TASP1: variants seen among roughly 807,000 people sequenced by gnomAD.
TASP1 encodes threonine aspartase 1.
Under a neutral mutation model 56.6 loss-of-function variants are expected in TASP1, and 16 were observed. The observed-to-expected ratio is 0.28, with a 90% CI of 0.19 to 0.43. TASP1 has a LOEUF of 0.43. Ranked by LOEUF, TASP1 falls within the 20% of genes least tolerant of loss-of-function variation. TASP1 has a pLI of 1.00. For synonymous variants in TASP1, 179 were observed against 184.2 expected (o/e 0.97, Z 0.23); for missense variants, 393 against 511.6 (o/e 0.77, Z 2.24).
the TASP1 span, among the ~76,000 whole-genome samples, chr20:13,265,695 T>C: frequency 6.6e-6 from 1 of 152,210 alleles, no homozygotes; most frequent in Non-Finnish European, 1.5e-5. Context: ...GGTGCAAAAG[T>C]AATGGCGGTT....
At chr20:13,575,719 C>T (rs1305319049) in intron 6 of TASP1, among the ~76,000 whole-genome samples, 2 of 151,334 alleles carry the variant, frequency 1.3e-5, no homozygotes, top group Non-Finnish European at 3.0e-5. Flanking sequence ...CAGCAATCAT[C>T]TTACTTAATG....
intron 13 of TASP1, chr20:13,392,999 G>A (rs1304133347): frequency 1.0e-5 from 6 of 581,004 alleles, no homozygotes; most frequent in Non-Finnish European, 1.3e-5. Context: ...GAGAAGGCTG[G>A]AGCTCACTTG....
At chr20:13,547,131 G>C (rs2045836591) in intron 8 of TASP1, among the ~76,000 whole-genome samples, 1 of 152,146 alleles carries the variant, frequency 6.6e-6, no homozygotes, top group Admixed American at 6.6e-5. Flanking sequence ...TCTAGAGACT[G>C]TGATAAGGAT....
At chr20:13,461,890 A>T (rs762509695) in intron 11 of TASP1, among the ~76,000 whole-genome samples, 4 of 152,190 alleles carry the variant, frequency 2.6e-5, no homozygotes, top group Non-Finnish European at 5.9e-5. Flanking sequence ...CAGACAGCAG[A>T]TGTTTATACA....
chr20:13,532,428 G>T (rs2045257388), intron 9 of TASP1, among the ~76,000 whole-genome samples: 1 of 152,110 alleles, frequency 6.6e-6, no homozygotes, highest in Non-Finnish European at 1.5e-5. Flanking sequence ...TACTTACATA[G>T]TTTCAAGTTT....
At chr20:13,246,529 A>G in the TASP1 span, among the ~76,000 whole-genome samples, 302 of 152,326 alleles carry the variant, frequency 2.0e-3, 2 homozygotes, top group African/African-American at 7.0e-3. Context: ...AGTGCCCAAG[A>G]AAGTCTGGAA....
At chr20:13,295,340 A>G in the TASP1 span, among the ~76,000 whole-genome samples, 1 of 152,166 alleles carries the variant, frequency 6.6e-6, no homozygotes, top group East Asian at 1.9e-4. Context: ...ATGGCTCCCT[A>G]GTACCCGCTG....
the TASP1 span, among the ~76,000 whole-genome samples, chr20:13,131,597 C>G: frequency 6.6e-6 from 1 of 152,164 alleles, no homozygotes; most frequent in African/African-American, 2.4e-5. Flanking sequence ...CTCACATCTT[C>G]CTACTCTATT....
intron 4 of TASP1, among the ~76,000 whole-genome samples, chr20:13,600,039 T>C (rs547175968): frequency 1.3e-5 from 2 of 152,148 alleles, no homozygotes; most frequent in South Asian, 2.1e-4. Context: ...TCAATTATCA[T>C]AGCATCAAAA....
At position 13,421,179 on chromosome 20, in the gene TASP1, C is replaced by T. The variant is rs147824334; in HGVS notation, c.1097-3658G>A. ...CTAGGCTGGAGTGCGGTGGCACAAT[C>T]TCAGCTCACTACACCCTCCACCTCC... On this transcript the variant is annotated intron_variant, in intron 12 of 13. Transcript: ENST00000337743. Among the ~76,000 whole-genome samples, 116 of 143,372 alleles carry T rather than the reference C, an allele frequency of 8.1e-4. 1 individual carries two copies. The East Asian group carries it at 0.022, about 27-fold the overall frequency. The allele number at this position is 143,372 out of a possible 152,430, so 94.1% of individuals were successfully genotyped here.
chr20:13,293,194 C>T, the TASP1 span, among the ~76,000 whole-genome samples: 27 of 138,800 alleles, frequency 1.9e-4, no homozygotes, highest in Middle Eastern at 4.0e-3. Context: ...GGTGACAGAG[C>T]GAGACTCCGT....
the TASP1 span, among the ~76,000 whole-genome samples, chr20:13,163,292 C>T: frequency 1.1e-4 from 16 of 147,056 alleles, no homozygotes; most frequent in South Asian, 4.3e-4. Flanking sequence ...CACTTGAACC[C>T]GGGAGGCGGA....
intron 13 of TASP1, among the ~76,000 whole-genome samples, chr20:13,404,870 CTT>C (rs939870131): frequency 1.3e-5 from 2 of 151,822 alleles, no homozygotes; most frequent in African/African-American, 4.8e-5. Flanking sequence ...AGAAATAATC[CTT>C]TGTTACACAT....
chr20:13,152,696 C>A, the TASP1 span, among the ~76,000 whole-genome samples: 2 of 152,176 alleles, frequency 1.3e-5, no homozygotes, highest in Non-Finnish European at 2.9e-5. Flanking sequence ...ATTATTCCAA[C>A]TGATTAAGAC....
intron 4 of TASP1, among the ~76,000 whole-genome samples, chr20:13,619,684 A>C (rs994316572): frequency 1.8e-4 from 27 of 152,188 alleles, no homozygotes; most frequent in Non-Finnish European, 4.4e-5. Context: ...GCAGCCAAAA[A>C]AGCAACTGTC....
At chr20:13,566,336 A>G (rs886763163) in intron 7 of TASP1, among the ~76,000 whole-genome samples, 4 of 152,170 alleles carry the variant, frequency 2.6e-5, no homozygotes, top group African/African-American at 9.7e-5. Context: ...TGTTATGTGT[A>G]TTTTACCATA....
intron 13 of TASP1, among the ~76,000 whole-genome samples, chr20:13,397,422 GA>G (rs202099069): frequency 8.8e-5 from 13 of 147,366 alleles, no homozygotes; most frequent in Admixed American, 1.3e-4. Context: ...TTTTTCAGAT[GA>G]AAAAAAAAAT....
the TASP1 span, chr20:13,165,007 G>A: frequency 3.5e-4 from 223 of 628,984 alleles, no homozygotes; most frequent in Non-Finnish European, 5.5e-4. Flanking sequence ...TGAGGGAGAC[G>A]TTGTTGTTTT....
chr20:13,344,823 A>C, the TASP1 span, among the ~76,000 whole-genome samples: 3 of 152,136 alleles, frequency 2.0e-5, no homozygotes, highest in Non-Finnish European at 2.9e-5. Context: ...CTCCACACTG[A>C]GCACACTCAG....
Sources: allele counts gnomAD v4.1 joint callset (sites outside exome capture counted in the v4.1 genomes callset), GRCh38; gene constraint gnomAD v4.1.1; transcripts MANE v1.5; gene names NCBI Gene and HGNC (gene_info 2026-07-23, HGNC 2026-07-21).